PROKR1: variants seen among roughly 807,000 people sequenced by gnomAD.
PROKR1 encodes the protein prokineticin receptor 1.
In PROKR1, 21 loss-of-function variants were observed where a neutral mutation model predicts 22.8. The ratio of observed to expected loss-of-function variants is 0.92; its 90% confidence interval spans 0.65 to 1.32. The LOEUF (loss-of-function observed/expected upper bound fraction) is 1.32. Among genes scored for constraint, PROKR1 ranks in the 40% most tolerant of loss-of-function variants. The pLI is 0.00. For synonymous variants in PROKR1, 193 were observed against 207.5 expected (o/e 0.93, Z 0.60); for missense variants, 548 against 514.2 (o/e 1.07, Z -0.64).
chr2:68,655,478 A>C lies in PROKR1; in HGVS notation c.1084A>C (p.Lys362Gln), dbSNP rs1395760808. The C allele has an allele frequency of 6.2e-7, 1 of 1,614,196 alleles. No homozygotes were observed. Among genetic ancestry groups the C allele is most frequent in the African/African-American group, 1.3e-5 (1 of 75,066 alleles). The change falls in exon 3 of 3, where the codon AAG becomes CAG. Residue 362 changes from lysine to glutamine, a missense_variant. By Grantham distance (53) the Lys-to-Gln change is moderately conservative (BLOSUM62 1). Transcript: ENST00000303786. The part of the protein sequence containing the change: ...YFKKIMLLHW[K>Q]ASYNGGKSSA... ...CAAAAAGATCATGTTGCTCCACTGGAAGGCTTCTTACAATGGCGGTAAGTC... is the reference window on the plus strand; with the variant it reads ...CAAAAAGATCATGTTGCTCCACTGGCAGGCTTCTTACAATGGCGGTAAGTC...
rs1480849088 is a variant in PROKR1 at position 68,655,658 on chromosome 2, A to T, written c.*82A>T. The T allele has an allele frequency of 7.2e-7, 1 of 1,385,806 alleles. No homozygotes were observed. The highest frequency in any genetic ancestry group is 1.0e-6 in the Non-Finnish European group (1 of 996,354). The allele number at this position is 1,385,806 out of a possible 1,614,324, so 85.8% of individuals were successfully genotyped here. A position where few individuals can be genotyped will look rare whatever the true frequency, so the allele number is the denominator to read the frequency against. On this transcript the variant is annotated 3_prime_UTR_variant, in exon 3 of 3. Coordinates refer to ENST00000303786, the MANE Select transcript of PROKR1 (RefSeq NM_138964.4). ...TGTGCTTGGATGCACATCAACCTGG[A>T]ACTTTTTGTTTGCTGCAGAGGGTAA...
In PROKR1 at chr2:68,655,003, G is replaced by C; in HGVS notation, c.609G>C (p.Glu203Asp). ...TCCCTTCCGCCTACTTCACCACCGA[G>C]ACGGTCCTCGTCATTGTCAAGAGCC... ...IAIPSAYFTT[E>D]TVLVIVKSQE... Residue 203 changes from glutamate to aspartate, a missense_variant, in exon 3 of 3, where the codon GAG becomes GAC. Glu to Asp is a conservative substitution (Grantham distance 45). Transcript: ENST00000303786. 5.0e-6 allele frequency: 8 copies of C among 1,613,618 alleles called. No individual in the cohort carries two copies. Among genetic ancestry groups the C allele is most frequent in the Non-Finnish European group, 5.9e-6 (7 of 1,180,016 alleles).
rs1302854887 is a variant in PROKR1, at chr2:68,646,103, C to T, written c.282C>T (p.Arg94=). 6.2e-7 allele frequency: 1 copy of T among 1,613,262 alleles called. No individual in the cohort carries two copies. The highest frequency in any genetic ancestry group is 1.1e-5 in the South Asian group (1 of 90,994). Residue 94 remains arginine, a synonymous_variant, in exon 2 of 3, where the codon CGC becomes CGT. Transcript: ENST00000303786. ...IAALVRYKKL[R]NLTNLLIANL... is the part of the protein sequence containing the mutation. ...CCCTGGTCCGCTACAAGAAACTGCG[C>T]AACCTCACCAACCTGCTCATCGCCA...
Position 68,646,243 on chromosome 2 carries a change from A to C in PROKR1, c.422A>C (p.Asn141Thr). 6.2e-7 allele frequency: 1 copy of C among 1,614,090 alleles called. No individual in the cohort carries two copies. Among genetic ancestry groups the C allele is most frequent in the Non-Finnish European group, 8.5e-7 (1 of 1,179,974 alleles). The part of the protein sequence containing the change: ...EHGHVLCTSV[N>T]YLRTVSLYVS... ...GGCCACGTCCTGTGCACCTCTGTCA[A>C]CTACCTGCGCACTGTCTCTCTCTAT... The change falls in exon 2 of 3, where the codon AAC becomes ACC. Residue 141 changes from asparagine (N) to threonine (T), a missense_variant. By Grantham distance (65) the Asn-to-Thr change is moderately conservative (BLOSUM62 0). Coordinates refer to ENST00000303786, the MANE Select transcript of PROKR1 (RefSeq NM_138964.4).
intron 1 of PROKR1, among the ~76,000 whole-genome samples, chr2:68,644,361 T>G (rs773557205): frequency 8.5e-5 from 13 of 152,198 alleles, no homozygotes; most frequent in Non-Finnish European, 1.6e-4. Context: ...CCTGCCCCCC[T>G]CCTTCTTTTC....
chr2:68,654,991 C>T lies in PROKR1; in HGVS notation c.597C>T (p.Tyr199=), dbSNP rs1459121389. ...VSILIAIPSA[Y]FTTETVLVIV... is the part of the protein sequence containing the mutation. ...TCCTGATCGCCATCCCTTCCGCCTA[C>T]TTCACCACCGAGACGGTCCTCGTCA... The change falls in exon 3 of 3, where the codon TAC becomes TAT. Residue 199 remains tyrosine, a synonymous_variant. Transcript: ENST00000303786. 1 of 1,607,358 alleles carries T rather than the reference C, an allele frequency of 6.2e-7. No individual in the cohort carries two copies.
At position 68,655,107 on chromosome 2, in the gene PROKR1, G is replaced by T. The variant is rs1673416520; in HGVS notation, c.713G>T (p.Gly238Val). Residue 238 changes from glycine (G) to valine (V), a missense_variant, in exon 3 of 3, where the codon GGC becomes GTC. Transcript: ENST00000303786. ...YYKSYFLFIFGIEFVGPVVTM... is the reference protein window; with the variant it reads ...YYKSYFLFIFVIEFVGPVVTM... ...AAGTCCTACTTCCTCTTTATCTTTG[G>T]CATAGAATTCGTGGGCCCCGTGGTC... The T allele has an allele frequency of 1.2e-6, 2 of 1,613,946 alleles. No homozygotes were observed. Among genetic ancestry groups the T allele is most frequent in the African/African-American group, 1.3e-5 (1 of 74,882 alleles).
In PROKR1 at chr2:68,657,152, C is replaced by T. The variant is rs575928741; in HGVS notation, c.*1576C>T. ...GTAACACCTTTGTCCTTCTGTGGTA[C>T]CTTCTGTGATACCTGTGATACCTTC... On this transcript the variant is annotated 3_prime_UTR_variant, in exon 3 of 3. Transcript: ENST00000303786. 2 of 152,272 alleles carry T rather than the reference C, an allele frequency of 1.3e-5. No individual in the cohort carries two copies. The highest frequency in any genetic ancestry group is 2.4e-5 in the African/African-American group (1 of 41,536). The allele number at this position is 152,272 out of a possible 1,614,324, so 9.4% of individuals were successfully genotyped here.
At chr2:68,652,950 G>T (rs1393670971) in intron 2 of PROKR1, among the ~76,000 whole-genome samples, 1 of 152,202 alleles carries the variant, frequency 6.6e-6, no homozygotes, top group Non-Finnish European at 1.5e-5. Context: ...CTACTATCGG[G>T]AAAAGGAATA....
Position 68,645,649 on chromosome 2 carries a change from A to G in PROKR1, c.-160-13A>G, listed in dbSNP as rs1219056058. The G allele has an allele frequency of 3.3e-6, 3 of 910,984 alleles. No individual in the cohort carries two copies. The highest frequency in any genetic ancestry group is 5.0e-6 in the Non-Finnish European group (3 of 602,826). The allele number at this position is 910,984 out of a possible 1,614,324, so 56.4% of individuals were successfully genotyped here. A position where few individuals can be genotyped will look rare whatever the true frequency, so the allele number is the denominator to read the frequency against. ...CTGCAACATATAGCCAACTGTTTGTATGTCTTTCAAAGGTTTAGAATGGAG... is the reference window on the plus strand; with the variant it reads ...CTGCAACATATAGCCAACTGTTTGTGTGTCTTTCAAAGGTTTAGAATGGAG... On this transcript the variant is annotated splice_polypyrimidine_tract_variant and intron_variant, in intron 1 of 2. Transcript: ENST00000303786.
chr2:68,655,370 A>G lies in PROKR1; in HGVS notation c.976A>G (p.Ile326Val). ...KEKHYLTAFY[I>V]VECIAMSNSM... ...GAAGCACTACCTCACTGCCTTCTAC[A>G]TCGTCGAGTGCATCGCCATGAGCAA... The change falls in exon 3 of 3, where the codon ATC (isoleucine) becomes GTC (valine). Residue 326 changes from isoleucine (I) to valine (V), a missense_variant. Ile to Val is a conservative substitution (Grantham distance 29, BLOSUM62 3). Coordinates refer to ENST00000303786, the MANE Select transcript of PROKR1 (RefSeq NM_138964.4). The G allele has an allele frequency of 1.2e-6, 2 of 1,614,196 alleles. No homozygotes were observed. The highest frequency in any genetic ancestry group is 1.1e-5 in the South Asian group (1 of 91,092).
intron 2 of PROKR1, among the ~76,000 whole-genome samples, chr2:68,650,210 G>C (rs1050982181): frequency 6.0e-5 from 9 of 150,590 alleles, no homozygotes; most frequent in Non-Finnish European, 1.3e-4. Context: ...AAAACTTAAA[G>C]TATAAAAAAA....
Position 68,656,470 on chromosome 2 carries a change from T to C in PROKR1, c.*894T>C, listed in dbSNP as rs1673454769. The stretch of plus-strand genomic sequence containing the variant: ...GGCAGGGGCTCAGGCTCTCCAGGTA[T>C]ACAGATGATACCGTTCCCACCTGTT... On this transcript the variant is annotated 3_prime_UTR_variant, in exon 3 of 3. Coordinates refer to ENST00000303786, the MANE Select transcript of PROKR1 (RefSeq NM_138964.4). The C allele has an allele frequency of 6.6e-6, 1 of 152,220 alleles. No individual in the cohort carries two copies. 9.4% of individuals were successfully genotyped at this position (152,220 alleles called of 1,614,324 possible). A position where few individuals can be genotyped will look rare whatever the true frequency, so the allele number is the denominator to read the frequency against.
In PROKR1 at chr2:68,656,761, C is replaced by G. The variant is rs1446815049; in HGVS notation, c.*1185C>G. Reference sequence around the variant, plus strand: ...CCTGAATCCCATCCTAGTCTTTGTTCCTTTGGATTAAGACTTGCTTTGCTT... The same window carrying G: ...CCTGAATCCCATCCTAGTCTTTGTTGCTTTGGATTAAGACTTGCTTTGCTT... On this transcript the variant is annotated 3_prime_UTR_variant, in exon 3 of 3. Transcript: ENST00000303786. 3.9e-5 allele frequency: 6 copies of G among 152,112 alleles called. No individual in the cohort carries two copies. Among genetic ancestry groups the G allele is most frequent in the Non-Finnish European group, 8.8e-5 (6 of 68,024 alleles). 9.4% of individuals were successfully genotyped at this position (152,112 alleles called of 1,614,324 possible).
In PROKR1 at chr2:68,655,483, T is replaced by C; in HGVS notation, c.1089T>C (p.Ala363=). The part of the protein sequence containing the change: ...FKKIMLLHWK[A]SYNGGKSSAD... ...AGATCATGTTGCTCCACTGGAAGGCTTCTTACAATGGCGGTAAGTCCAGTG... is the reference window on the plus strand; with the variant it reads ...AGATCATGTTGCTCCACTGGAAGGCCTCTTACAATGGCGGTAAGTCCAGTG... The change falls in exon 3 of 3, where the codon GCT becomes GCC. Residue 363 remains alanine, a synonymous_variant. Coordinates refer to ENST00000303786, the MANE Select transcript of PROKR1 (RefSeq NM_138964.4). 2 of 1,614,170 alleles carry C rather than the reference T, an allele frequency of 1.2e-6. No individual in the cohort carries two copies. Among genetic ancestry groups the C allele is most frequent in the Non-Finnish European group, 1.7e-6 (2 of 1,179,994 alleles).
rs1673159292 is a variant in PROKR1 at position 68,645,721 on chromosome 2, T to G, written c.-101T>G. 2.0e-6 allele frequency: 3 copies of G among 1,533,654 alleles called. No homozygotes were observed. Among genetic ancestry groups the G allele is most frequent in the Non-Finnish European group, 2.7e-6 (3 of 1,112,126 alleles). On this transcript the variant is annotated 5_prime_UTR_variant, in exon 2 of 3. Coordinates refer to ENST00000303786, the MANE Select transcript of PROKR1 (RefSeq NM_138964.4). The stretch of plus-strand genomic sequence containing the variant: ...ATGCTGGCAGAGACATTCTGACTCA[T>G]TAAGGGAGAGCTGGCTGATAGCAGA...
rs1191968866 is a variant in PROKR1 at position 68,645,978 on chromosome 2, A to G, written c.157A>G (p.Thr53Ala). The G allele has an allele frequency of 6.2e-7, 1 of 1,614,104 alleles. No individual in the cohort carries two copies. Among genetic ancestry groups the G allele is most frequent in the Non-Finnish European group, 8.5e-7 (1 of 1,180,048 alleles). The part of the protein sequence containing the change: ...DMPLDEDEDV[T>A]NSRTFFAAKI... ...GCCTTTGGATGAAGATGAGGATGTG[A>G]CCAATTCCAGGACGTTCTTTGCTGC... Residue 53 changes from threonine to alanine, a missense_variant, in exon 2 of 3, where the codon ACC becomes GCC. Physicochemically the swap from Thr to Ala is moderately conservative, Grantham distance 58. Coordinates refer to ENST00000303786, the MANE Select transcript of PROKR1 (RefSeq NM_138964.4).
At chr2:68,646,402 G>A (rs1673180544) in intron 2 of PROKR1, 96 bp downstream of exon 2, 1 of 1,533,976 alleles carries the variant, frequency 6.5e-7, no homozygotes, top group African/African-American at 1.4e-5. Flanking sequence ...TTGATGAGAG[G>A]TGTCTCTATT....
chr2:68,646,414 C>T, intron 2 of PROKR1, 108 bp downstream of exon 2: 7 of 1,484,656 alleles, frequency 4.7e-6, no homozygotes, highest in Non-Finnish European at 6.5e-6. Flanking sequence ...GTCTCTATTC[C>T]CCCTAGATGT....
Sources: allele counts gnomAD v4.1 joint callset (sites outside exome capture counted in the v4.1 genomes callset), GRCh38; gene constraint gnomAD v4.1.1; transcripts MANE v1.5; gene names NCBI Gene and HGNC (gene_info 2026-07-23, HGNC 2026-07-21).